Variants in RGS7 observed in about 807,000 individuals in gnomAD.
RGS7 encodes regulator of G-protein signaling 7.
Under a neutral mutation model 81.1 loss-of-function variants are expected in RGS7, and 27 were observed. The observed-to-expected ratio is 0.33, with a 90% CI of 0.25 to 0.46. The LOEUF (loss-of-function observed/expected upper bound fraction) is 0.46. Ranked by LOEUF, RGS7 falls within the 20% of genes least tolerant of loss-of-function variation. The pLI is 1.00. For missense variants in RGS7, 396 were observed against 607.4 expected (o/e 0.65, Z 3.66); for synonymous variants, 208 against 207.7 (o/e 1.00, Z -0.01).
intron 5 of RGS7, among the ~76,000 whole-genome samples, chr1:240,933,010 A>G (rs570067258): frequency 6.9e-6 from 1 of 145,608 alleles, no homozygotes; most frequent in Non-Finnish European, 1.5e-5. Flanking sequence ...CAGCCTCCCG[A>G]GTAGCTGGGA....
chr1:241,220,979 A>AGAGAG (rs1379234576), intron 2 of RGS7, among the ~76,000 whole-genome samples: 4,515 of 77,880 alleles, frequency 0.058, 209 homozygotes, highest in East Asian at 0.11. Flanking sequence ...GGAAGGAAGG[A>AGAGAG]AGGAAGGAAG....
At chr1:240,976,767 CTAT>C (rs751581383) in intron 4 of RGS7, among the ~76,000 whole-genome samples, 1 of 147,054 alleles carries the variant, frequency 6.8e-6, no homozygotes, top group Non-Finnish European at 1.5e-5. Context: ...ATCTATCTAT[CTAT>C]CATCGATCTA....
At chr1:240,820,784 C>G (rs554492350) in intron 10 of RGS7, among the ~76,000 whole-genome samples, 6 of 152,278 alleles carry the variant, frequency 3.9e-5, no homozygotes, top group African/African-American at 1.4e-4. Context: ...GTGAGCAATA[C>G]ATTTCTGTTG....
At chr1:241,191,646 T>C (rs1199343038) in intron 2 of RGS7, among the ~76,000 whole-genome samples, 4 of 152,348 alleles carry the variant, frequency 2.6e-5, no homozygotes, top group African/African-American at 9.6e-5. Flanking sequence ...TCTTCTACTC[T>C]TTTGTCTGGA....
chr1:241,249,032 G>A (rs571749642), intron 2 of RGS7, among the ~76,000 whole-genome samples: 5 of 152,238 alleles, frequency 3.3e-5, no homozygotes, highest in Admixed American at 3.3e-4. Flanking sequence ...TGTTGGATAT[G>A]TATTTTGAAA....
At chr1:241,245,607 G>A (rs2076486692) in intron 2 of RGS7, among the ~76,000 whole-genome samples, 1 of 151,760 alleles carries the variant, frequency 6.6e-6, no homozygotes, top group African/African-American at 2.4e-5. Flanking sequence ...AGGAGTTCAA[G>A]ACCAGCCTGA....
At chr1:240,902,963 T>C (rs1002113925) in intron 6 of RGS7, among the ~76,000 whole-genome samples, 1 of 152,230 alleles carries the variant, frequency 6.6e-6, no homozygotes, top group Non-Finnish European at 1.5e-5. Flanking sequence ...GGTTGCCTTG[T>C]GTTATCTTGT....
At chr1:240,843,172 AT>A (rs1415236040) in intron 9 of RGS7, among the ~76,000 whole-genome samples, 3 of 152,006 alleles carry the variant, frequency 2.0e-5, no homozygotes, top group Admixed American at 6.5e-5. Context: ...TCTCAAAAAA[AT>A]AAAATAAAAA....
intron 2 of RGS7, among the ~76,000 whole-genome samples, chr1:241,311,392 T>C (rs1041946962): frequency 6.6e-6 from 1 of 152,226 alleles, no homozygotes; most frequent in East Asian, 1.9e-4. Flanking sequence ...AAGAAATACA[T>C]ACATACTACA....
intron 18 of RGS7, among the ~76,000 whole-genome samples, chr1:240,776,837 T>C (rs1683025519): frequency 6.6e-6 from 1 of 152,360 alleles, no homozygotes; most frequent in South Asian, 2.1e-4. Flanking sequence ...TAGCTGTTGA[T>C]GTCTTCCTGT....
intron 6 of RGS7, among the ~76,000 whole-genome samples, chr1:240,885,610 G>GCTC (rs1448035129): frequency 6.6e-6 from 1 of 152,180 alleles, no homozygotes; most frequent in Non-Finnish European, 1.5e-5. Flanking sequence ...CATGGATGGA[G>GCTC]CTGGAGGCCA....
chr1:241,055,276 A>G (rs2061423891), intron 3 of RGS7, among the ~76,000 whole-genome samples: 1 of 152,096 alleles, frequency 6.6e-6, no homozygotes, highest in Admixed American at 6.5e-5. Flanking sequence ...CTGCCTCCCA[A>G]TTCTGATGGT....
intron 3 of RGS7, among the ~76,000 whole-genome samples, chr1:241,023,936 G>T (rs2059665973): frequency 1.3e-5 from 2 of 152,122 alleles, no homozygotes; most frequent in African/African-American, 4.8e-5. Context: ...GTAGAGAGGG[G>T]TTTCTCCATG....
chr1:241,338,238 G>A (rs901071916), intron 2 of RGS7, among the ~76,000 whole-genome samples: 5 of 152,090 alleles, frequency 3.3e-5, no homozygotes, highest in East Asian at 3.9e-4. Flanking sequence ...AGATAGTACC[G>A]AGGGGGGAAA....
chr1:241,050,902 A>T (rs2061214244), intron 3 of RGS7, among the ~76,000 whole-genome samples: 1 of 152,228 alleles, frequency 6.6e-6, no homozygotes, highest in Non-Finnish European at 1.5e-5. Flanking sequence ...TATGATTGGT[A>T]AGGCTTCTGG....
intron 2 of RGS7, among the ~76,000 whole-genome samples, chr1:241,126,528 C>T (rs764738718): frequency 3.9e-5 from 6 of 152,154 alleles, no homozygotes; most frequent in Admixed American, 2.0e-4. Context: ...GGGTCAAATG[C>T]GCAGCTCTGC....
intron 6 of RGS7, among the ~76,000 whole-genome samples, chr1:240,905,419 G>A (rs1670662683): frequency 6.6e-6 from 1 of 152,202 alleles, no homozygotes; most frequent in Non-Finnish European, 1.5e-5. Context: ...AGAGAGGAAG[G>A]GAGGAAACTA....
chr1:241,070,370 T>C (rs2062364417), intron 3 of RGS7, among the ~76,000 whole-genome samples: 1 of 150,760 alleles, frequency 6.6e-6, no homozygotes, highest in Admixed American at 6.6e-5. Flanking sequence ...TCGATTATGC[T>C]AAACAAAATC....
chr1:240,968,462 C>T (rs1682686987), intron 4 of RGS7, among the ~76,000 whole-genome samples: 1 of 151,972 alleles, frequency 6.6e-6, no homozygotes, highest in Non-Finnish European at 1.5e-5. Context: ...GGCCTCAAAG[C>T]CCAGGTATTA....
Sources: allele counts gnomAD v4.1 joint callset (sites outside exome capture counted in the v4.1 genomes callset), GRCh38; gene constraint gnomAD v4.1.1; transcripts MANE v1.5; gene names NCBI Gene and HGNC (gene_info 2026-07-23, HGNC 2026-07-21).